HECTD2: variants seen among roughly 807,000 people sequenced by gnomAD.
HECTD2 encodes the protein HECT domain E3 ubiquitin protein ligase 2, also known as probable E3 ubiquitin-protein ligase HECTD2.
In HECTD2, 35 loss-of-function variants were observed where a neutral mutation model predicts 103.2. The observed-to-expected ratio is 0.34, with a 90% CI of 0.26 to 0.45. The LOEUF (loss-of-function observed/expected upper bound fraction) is 0.45, where lower values mean the gene tolerates loss of function less well. HECTD2 is among the 20% of genes least tolerant of loss of function. The pLI, the probability that HECTD2 is intolerant of heterozygous loss-of-function variation, is 1.00. For missense variants in HECTD2, 596 were observed against 937.4 expected (o/e 0.64, Z 4.76); for synonymous variants, 281 against 329.9 (o/e 0.85, Z 1.61).
rs1395837886 is a variant in HECTD2 at position 91,481,097 on chromosome 10, A to G, written c.669A>G (p.Pro223=). 2 of 1,497,434 alleles carry G rather than the reference A, an allele frequency of 1.3e-6. No individual in the cohort carries two copies. Among genetic ancestry groups the G allele is most frequent in the Non-Finnish European group, 1.8e-6 (2 of 1,091,734 alleles). The allele number at this position is 1,497,434 out of a possible 1,614,324, so 92.8% of individuals were successfully genotyped here. The change falls in exon 7 of 21, where the codon CCA becomes CCG. Residue 223 remains proline (P), a synonymous_variant. Coordinates refer to ENST00000298068, the MANE Select transcript of HECTD2 (RefSeq NM_182765.6). ...ATTATTCTTGTTTCTTTTTCAGTCC[A>G]CGAACAAAAGATGATCTTAGAGCAT... ...INSLLREWKG[P]RTKDDLRAYF... is the part of the protein sequence containing the mutation.
At chr10:91,418,525 C>A (rs1435488451) in intron 1 of HECTD2, among the ~76,000 whole-genome samples, 2 of 151,956 alleles carry the variant, frequency 1.3e-5, no homozygotes, top group African/African-American at 4.8e-5. Flanking sequence ...TAACTTAAAC[C>A]AATTCCACTT....
chr10:91,478,389 A>C, intron 6 of HECTD2, 124 bp downstream of exon 6: 1 of 612,370 alleles, frequency 1.6e-6, no homozygotes, highest in Non-Finnish European at 2.9e-6. Flanking sequence ...ATAATAACAT[A>C]GATGAGAAAA....
intron 5 of HECTD2, chr10:91,464,781 CA>C (rs1372915456): frequency 6.6e-6 from 1 of 152,594 alleles, no homozygotes; most frequent in African/African-American, 2.4e-5. Context: ...GGCCCCATGA[CA>C]CAGCCCACCT....
intron 1 of HECTD2, among the ~76,000 whole-genome samples, chr10:91,414,837 T>C (rs1367255760): frequency 3.3e-5 from 5 of 152,052 alleles, no homozygotes; most frequent in African/African-American, 4.8e-5. Flanking sequence ...GTGAGAAAGA[T>C]TGCATGGGGG....
At chr10:91,504,503 G>C (rs1463712405) in intron 20 of HECTD2, among the ~76,000 whole-genome samples, 1 of 152,160 alleles carries the variant, frequency 6.6e-6, no homozygotes, top group African/African-American at 2.4e-5. Flanking sequence ...GAGCCAATGC[G>C]ATAAACTGGA....
chr10:91,495,380 T>G (rs1846628787), intron 14 of HECTD2, among the ~76,000 whole-genome samples: 1 of 152,072 alleles, frequency 6.6e-6, no homozygotes, highest in East Asian at 1.9e-4. Flanking sequence ...ATTATCAGAC[T>G]TCATTACACC....
At position 91,425,399 on chromosome 10, in the gene HECTD2, A is replaced by T. The variant is rs1232565771; in HGVS notation, c.257A>T (p.Asn86Ile). ...RSSPAHLVFP[N>I]IKNVREPPPI... ...TCACCTGCACATCTTGTTTTCCCTA[A>T]CATCAAGAATGGTAAATAATTTTTA... The change falls in exon 2 of 21, where the codon AAC becomes ATC. Residue 86 changes from asparagine to isoleucine, a missense_variant. Asn to Ile is a moderately radical substitution (Grantham distance 149). This residue lies in a region of HECTD2 where 220 missense variants were observed against 233.9 expected (regional missense o/e 0.94). Coordinates refer to ENST00000298068, the MANE Select transcript of HECTD2 (RefSeq NM_182765.6). The T allele has an allele frequency of 2.6e-6, 4 of 1,547,496 alleles. No homozygotes were observed. Among genetic ancestry groups the T allele is most frequent in the African/African-American group, 1.4e-5 (1 of 72,852 alleles).
At chr10:91,420,472 C>T (rs1443026540) in intron 1 of HECTD2, among the ~76,000 whole-genome samples, 2 of 151,484 alleles carry the variant, frequency 1.3e-5, no homozygotes, top group Non-Finnish European at 2.9e-5. Flanking sequence ...GCCTATAATC[C>T]CAGCTACTCA....
rs1345109736 is a variant in HECTD2, at chr10:91,513,795, C to T, written c.*1411C>T. ...CTAGGCTATTTTCTTGCTATGCTTCCTGCACCCAACCAGCAGAATTCTTCC... is the reference window on the plus strand; with the variant it reads ...CTAGGCTATTTTCTTGCTATGCTTCTTGCACCCAACCAGCAGAATTCTTCC... On this transcript the variant is annotated 3_prime_UTR_variant, in exon 21 of 21. Transcript: ENST00000298068. The T allele has an allele frequency of 1.3e-5, 2 of 152,568 alleles. No individual in the cohort carries two copies. The highest frequency in any genetic ancestry group is 2.4e-5 in the African/African-American group (1 of 41,434). 9.5% of individuals were successfully genotyped at this position (152,568 alleles called of 1,614,324 possible).
intron 2 of HECTD2, among the ~76,000 whole-genome samples, chr10:91,431,130 C>T (rs1843846296): frequency 1.3e-5 from 2 of 151,634 alleles, no homozygotes; most frequent in Admixed American, 6.6e-5. Context: ...ATTTCTCCTT[C>T]ACTTAGGAAG....
intron 2 of HECTD2, among the ~76,000 whole-genome samples, chr10:91,458,426 A>T (rs1845204341): frequency 6.6e-6 from 1 of 151,998 alleles, no homozygotes; most frequent in South Asian, 2.1e-4. Flanking sequence ...TGATATAGAT[A>T]AGATTATTTT....
At chr10:91,459,577 T>C (rs994561049) in intron 2 of HECTD2, among the ~76,000 whole-genome samples, 1 of 152,094 alleles carries the variant, frequency 6.6e-6, no homozygotes, top group African/African-American at 2.4e-5. Context: ...AAAGGTTACA[T>C]AGGTGTGATT....
intron 7 of HECTD2, among the ~76,000 whole-genome samples, chr10:91,482,253 T>C (rs984570257): frequency 5.3e-5 from 8 of 151,962 alleles, no homozygotes; most frequent in Non-Finnish European, 8.9e-5. Flanking sequence ...TGCTCTCTTA[T>C]TTTTCACAAT....
At chr10:91,415,193 A>AGTGT (rs397846279) in intron 1 of HECTD2, among the ~76,000 whole-genome samples, 9,913 of 141,680 alleles carry the variant, frequency 0.07, 433 homozygotes, top group African/African-American at 0.13. Flanking sequence ...AATTAGAGAA[A>AGTGT]GTGTGTGTGT....
chr10:91,482,211 C>G (rs1422354433), intron 7 of HECTD2, among the ~76,000 whole-genome samples: 1 of 151,796 alleles, frequency 6.6e-6, no homozygotes, highest in Non-Finnish European at 1.5e-5. Context: ...TTGAGTTGTT[C>G]TGTCAATAAG....
chr10:91,418,385 G>A (rs1843216495), intron 1 of HECTD2, among the ~76,000 whole-genome samples: 1 of 152,060 alleles, frequency 6.6e-6, no homozygotes, highest in African/African-American at 2.4e-5. Context: ...CTGAGCTTCA[G>A]GACTAATGTT....
At position 91,475,612 on chromosome 10, in the gene HECTD2, T is replaced by G. The variant is rs145729205; in HGVS notation, c.601-2589T>G. On this transcript the variant is annotated intron_variant, in intron 5 of 20. Transcript: ENST00000298068. ...GAGAAGAGATAGTACAGATAATTCT[T>G]GAGAGCTTTCACTATGAAGGGAAGC... 1.2e-3 allele frequency among the ~76,000 whole-genome samples: 179 copies of G among 152,306 alleles called. No homozygotes were observed. The Middle Eastern group carries it at 0.017, about 14-fold the overall frequency.
chr10:91,422,218 A>G (rs1843386106), intron 1 of HECTD2, among the ~76,000 whole-genome samples: 1 of 152,088 alleles, frequency 6.6e-6, no homozygotes, highest in South Asian at 2.1e-4. Context: ...CTTCCCAGTC[A>G]TATCTTGCTG....
rs1846304453 is a variant in HECTD2, at chr10:91,487,461, C to T, written c.1095-221C>T. 7 of 539,906 alleles carry T rather than the reference C, an allele frequency of 1.3e-5. No individual in the cohort carries two copies. Among genetic ancestry groups the T allele is most frequent in the Non-Finnish European group, 2.4e-5 (7 of 295,794 alleles). 33.4% of individuals were successfully genotyped at this position (539,906 alleles called of 1,614,324 possible). On this transcript the variant is annotated intron_variant, in intron 10 of 20. Transcript: ENST00000298068. This position sits in a 1 kb window ranked among gnomAD's most constrained non-coding sequence, Gnocchi z 4.1. ...CACACATTCAGAACCTTTGATGTAG[C>T]TTCTGCAGAGAATAAAGGCATTGCA...
Sources: allele counts gnomAD v4.1 joint callset (sites outside exome capture counted in the v4.1 genomes callset), GRCh38; gene constraint gnomAD v4.1.1; regional missense constraint gnomAD v4.1.1; non-coding constraint Gnocchi (gnomAD v3.1); transcripts MANE v1.5; gene names NCBI Gene and HGNC (gene_info 2026-07-23, HGNC 2026-07-21).